The following EPB41 variants were observed in gnomAD, a reference collection of about 807,000 sequenced individuals.
EPB41 encodes the protein erythrocyte membrane protein band 4.1.
Under a neutral mutation model 108.0 loss-of-function variants are expected in EPB41, and 65 were observed. The observed-to-expected ratio is 0.60, with a 90% CI of 0.49 to 0.74. The LOEUF (loss-of-function observed/expected upper bound fraction) is 0.74, where lower values mean the gene tolerates loss of function less well. EPB41 is among the 30% of genes least tolerant of loss of function. The pLI, the probability that EPB41 is intolerant of heterozygous loss-of-function variation, is 0.00. For missense variants in EPB41, 875 were observed against 1,037.0 expected, an observed-to-expected ratio of 0.84 and a Z score of 2.15; for synonymous variants, 336 against 358.9, an observed-to-expected ratio of 0.94 and a Z score of 0.72.
chr1:29,054,544 A>T (rs1348637247), intron 12 of EPB41: 1 of 138,520 alleles, frequency 7.2e-6, no homozygotes, highest in Non-Finnish European at 1.7e-5. Context: ...ATTAAAAAAA[A>T]AAAAAAAAAA....
At chr1:29,075,411 G>A (rs1372372066) in intron 16 of EPB41, among the ~76,000 whole-genome samples, 1 of 152,072 alleles carries the variant, frequency 6.6e-6, no homozygotes, top group Non-Finnish European at 1.5e-5. Flanking sequence ...CCAGGAGGTG[G>A]AGGTTGCAGT....
intron 4 of EPB41, among the ~76,000 whole-genome samples, chr1:28,999,829 G>A (rs1428938932): frequency 2.0e-5 from 3 of 151,874 alleles, no homozygotes; most frequent in African/African-American, 7.3e-5. Context: ...TGTTGCCTAT[G>A]CTAGAGTGCA....
chr1:29,070,445 C>T, intron 16 of EPB41: 2 of 1,232,128 alleles, frequency 1.6e-6, no homozygotes, highest in South Asian at 4.1e-5. Flanking sequence ...CTTGCCCCAG[C>T]AAGAAAATGA....
intron 19 of EPB41, among the ~76,000 whole-genome samples, chr1:29,114,147 C>A (rs1670110246): frequency 6.6e-6 from 1 of 152,182 alleles, no homozygotes; most frequent in South Asian, 2.1e-4. Flanking sequence ...TCATTTCTAG[C>A]TGAGTCCTTT....
intron 10 of EPB41, 87 bp downstream of exon 10, chr1:29,036,010 A>G (rs932675874): frequency 2.1e-6 from 2 of 960,026 alleles, no homozygotes; most frequent in Non-Finnish European, 3.3e-6. Context: ...CTTTCATTGT[A>G]TGACTGGCAC....
intron 1 of EPB41, among the ~76,000 whole-genome samples, chr1:28,896,334 G>A (rs1383153399): frequency 6.6e-6 from 1 of 152,202 alleles, no homozygotes; most frequent in Non-Finnish European, 1.5e-5. Context: ...GACAGGTGGT[G>A]GATAGCAGCC....
At chr1:28,908,512 A>G (rs997756535) in intron 1 of EPB41, among the ~76,000 whole-genome samples, 3 of 150,388 alleles carry the variant, frequency 2.0e-5, no homozygotes, top group African/African-American at 7.3e-5. Flanking sequence ...TCTCGCTGCA[A>G]CCTCTGCCTC....
At chr1:28,963,259 A>G (rs889314979) in intron 1 of EPB41, among the ~76,000 whole-genome samples, 2 of 152,038 alleles carry the variant, frequency 1.3e-5, no homozygotes, top group Non-Finnish European at 2.9e-5. Context: ...GTTAGCATGA[A>G]TGGGAAACAA....
At chr1:29,032,133 A>G (rs2096798156) in intron 8 of EPB41, among the ~76,000 whole-genome samples, 1 of 150,894 alleles carries the variant, frequency 6.6e-6, no homozygotes, top group African/African-American at 2.4e-5. Context: ...GTTGTTCTGG[A>G]TTATTTTGGG....
At position 28,887,839 on chromosome 1, in the gene EPB41, C is replaced by T; in HGVS notation, c.-8+629C>T. On this transcript the variant is annotated intron_variant, in intron 1 of 16. Transcript: ENST00000347529. This position sits in a 1 kb window ranked among gnomAD's most constrained non-coding sequence, Gnocchi z 4.9. ...CTTGGTCTAGGGGACTTCCCTCTGTCTGGGTCTCCCGGGTCTCTCTGTCCG... is the reference window on the plus strand; with the variant it reads ...CTTGGTCTAGGGGACTTCCCTCTGTTTGGGTCTCCCGGGTCTCTCTGTCCG... 1 of 234,058 alleles carries T rather than the reference C, an allele frequency of 4.3e-6. No individual in the cohort carries two copies. The highest frequency in any genetic ancestry group is 7.0e-6 in the Non-Finnish European group (1 of 142,772). The allele number at this position is 234,058 out of a possible 1,614,324, so 14.5% of individuals were successfully genotyped here. A position where few individuals can be genotyped will look rare whatever the true frequency, so the allele number is the denominator to read the frequency against.
Position 28,993,395 on chromosome 1 carries a change from G to A in EPB41, c.534G>A (p.Glu178=). The part of the protein sequence containing the change: ...FEIKEGEGLE[E]CSKIEVKEES... Reference sequence around the variant, plus strand: ...TTAAGGAAGGAGAAGGACTTGAAGAGTGCTCCAAAATAGAAGTAAAAGAAG... The same window carrying A: ...TTAAGGAAGGAGAAGGACTTGAAGAATGCTCCAAAATAGAAGTAAAAGAAG... Residue 178 remains glutamate (E), a synonymous_variant, in exon 3 of 21, where the codon GAG becomes GAA. Transcript: ENST00000343067. The A allele has an allele frequency of 6.2e-7, 1 of 1,613,836 alleles. No homozygotes were observed. Among genetic ancestry groups the A allele is most frequent in the East Asian group, 2.2e-5 (1 of 44,864 alleles).
In EPB41 at chr1:28,887,568, C is replaced by A. The variant is rs952262837; in HGVS notation, c.-8+358C>A. 2 of 985,186 alleles carry A rather than the reference C, an allele frequency of 2.0e-6. No individual in the cohort carries two copies. Among genetic ancestry groups the A allele is most frequent in the Non-Finnish European group, 2.4e-6 (2 of 829,866 alleles). The allele number at this position is 985,186 out of a possible 1,614,324, so 61.0% of individuals were successfully genotyped here. A position where few individuals can be genotyped will look rare whatever the true frequency, so the allele number is the denominator to read the frequency against. The stretch of plus-strand genomic sequence containing the variant: ...CCTGCAGGTCGGCGCAGCCCCCGGC[C>A]GCCCCCTAGCCCCGCCTTGCCCGGC... On this transcript the variant is annotated intron_variant, in intron 1 of 16. Coordinates refer to the EPB41 transcript ENST00000347529. The surrounding 1 kb of genome is among the most constrained non-coding windows in gnomAD (Gnocchi z 4.9).
chr1:28,957,488 TC>T (rs2095006615), intron 1 of EPB41, among the ~76,000 whole-genome samples: 1 of 152,182 alleles, frequency 6.6e-6, no homozygotes, highest in East Asian at 1.9e-4. Flanking sequence ...CATTGCAACC[TC>T]CGCCTCCTGG....
chr1:28,902,487 C>T (rs1385269244), intron 1 of EPB41: 1 of 697,504 alleles, frequency 1.4e-6, no homozygotes, highest in East Asian at 1.3e-4. Context: ...CTTGGAGCAG[C>T]TTCCTCTGGA....
At chr1:28,928,359 T>C (rs2093566703) in intron 1 of EPB41, among the ~76,000 whole-genome samples, 1 of 152,206 alleles carries the variant, frequency 6.6e-6, no homozygotes, top group Admixed American at 6.5e-5. Flanking sequence ...TGGTTATATC[T>C]GATACAGGCC....
chr1:28,927,198 C>T (rs1277321238), intron 1 of EPB41, among the ~76,000 whole-genome samples: 2 of 152,150 alleles, frequency 1.3e-5, no homozygotes, highest in Admixed American at 1.3e-4. Flanking sequence ...AAAGATATAC[C>T]TTATTGTCTT....
intron 16 of EPB41, among the ~76,000 whole-genome samples, chr1:29,094,100 T>C (rs1008943953): frequency 2.6e-5 from 4 of 152,168 alleles, no homozygotes; most frequent in Non-Finnish European, 4.4e-5. Flanking sequence ...GCACCATTTA[T>C]TGAATAGAGA....
chr1:28,995,951 A>G (rs1159043006), intron 3 of EPB41, among the ~76,000 whole-genome samples: 1 of 152,224 alleles, frequency 6.6e-6, no homozygotes, highest in Non-Finnish European at 1.5e-5. Flanking sequence ...ATAGTCATTA[A>G]AAATAACTCA....
Position 29,115,861 on chromosome 1 carries a change from T to C in EPB41, c.*6+58T>C. 7.4e-7 allele frequency: 1 copy of C among 1,351,012 alleles called. No homozygotes were observed. The highest frequency in any genetic ancestry group is 1.1e-6 in the Non-Finnish European group (1 of 942,768). The allele number at this position is 1,351,012 out of a possible 1,614,324, so 83.7% of individuals were successfully genotyped here. On this transcript the variant is annotated intron_variant, in intron 20 of 20. Coordinates refer to ENST00000343067, the MANE Select transcript of EPB41 (RefSeq NM_001376013.1). The surrounding 1 kb of genome is among the most constrained non-coding windows in gnomAD (Gnocchi z 4.4). ...CCACAGTCCCAGCCTGAGAGGGCTC[T>C]GGATGGGACCCTCGGACACACTGGG... is the stretch of plus-strand genomic sequence containing the variant.
Sources: gnomAD v4.1 joint callset for allele counts (sites outside exome capture counted in the v4.1 genomes callset) on GRCh38, gnomAD v4.1.1 for gene constraint, Gnocchi (gnomAD v3.1) non-coding constraint, MANE v1.5 for transcripts, NCBI Gene and HGNC (gene_info 2026-07-23, HGNC 2026-07-21) for gene names.